The following AK7 variants were observed in gnomAD, a reference collection of about 807,000 sequenced individuals.
The protein encoded by AK7 is ATP-AMP transphosphorylase 7.
AK7 carries 78 observed loss-of-function variants against 96.6 expected under a neutral mutation model. That is an observed-to-expected ratio of 0.81 (90% CI 0.67 to 0.97). The LOEUF (loss-of-function observed/expected upper bound fraction) is 0.97. AK7 is among the 50% of genes least tolerant of loss of function. AK7 has a pLI of 0.00. For missense variants in AK7, 855 were observed against 887.9 expected, an observed-to-expected ratio of 0.96 and a Z score of 0.47; for synonymous variants, 302 against 317.2, an observed-to-expected ratio of 0.95 and a Z score of 0.51.
At chr14:96,473,007 A>G (rs1158390188) in intron 14 of AK7, among the ~76,000 whole-genome samples, 4 of 151,972 alleles carry the variant, frequency 2.6e-5, no homozygotes, top group Non-Finnish European at 5.9e-5. Context: ...ACTTGAACCC[A>G]GAAGACAGAG....
At chr14:96,401,143 G>A (rs563743583) in intron 2 of AK7, among the ~76,000 whole-genome samples, 7 of 152,198 alleles carry the variant, frequency 4.6e-5, no homozygotes, top group African/African-American at 1.4e-4. Flanking sequence ...TTGATTCTGC[G>A]AATGTTTCCT....
At chr14:96,476,577 A>G (rs550560113) in intron 14 of AK7, among the ~76,000 whole-genome samples, 3 of 151,526 alleles carry the variant, frequency 2.0e-5, no homozygotes, top group Non-Finnish European at 4.4e-5. Flanking sequence ...CCTCCTTGTT[A>G]TCTACGGTCT....
intron 4 of AK7, 151 bp from the exon 5 acceptor site, chr14:96,420,671 C>A: frequency 7.2e-6 from 4 of 555,488 alleles, no homozygotes; most frequent in Non-Finnish European, 1.2e-5. Flanking sequence ...CCAGCCTGGG[C>A]AACACAGCGA....
At chr14:96,482,859 A>T in intron 15 of AK7, 140 bp from the exon 16 acceptor site, 1 of 900,182 alleles carries the variant, frequency 1.1e-6, no homozygotes, top group Non-Finnish European at 1.7e-6. Flanking sequence ...ATTCTGAACT[A>T]TGCTGGCAAT....
intron 1 of AK7, 48 bp downstream of exon 1, chr14:96,392,307 A>G: frequency 1.3e-6 from 2 of 1,528,442 alleles, no homozygotes; most frequent in Non-Finnish European, 9.0e-7. Context: ...CTCAGCTCCC[A>G]GCCCTCGGCC....
At chr14:96,424,640 A>T (rs1891920046) in intron 5 of AK7, among the ~76,000 whole-genome samples, 1 of 152,190 alleles carries the variant, frequency 6.6e-6, no homozygotes, top group African/African-American at 2.4e-5. Flanking sequence ...TATAAAAAAC[A>T]CTTTACCAAT....
At chr14:96,424,288 G>C (rs1057069236) in intron 5 of AK7, 1 of 411,348 alleles carries the variant, frequency 2.4e-6, no homozygotes. Context: ...GGCGACACGG[G>C]GGTCTCCGCC....
intron 13 of AK7, among the ~76,000 whole-genome samples, 183 bp from the exon 14 acceptor site, chr14:96,472,504 A>AT (rs1894953359): frequency 6.6e-6 from 1 of 152,158 alleles, no homozygotes; most frequent in African/African-American, 2.4e-5. Flanking sequence ...TGTATATACT[A>AT]CATTTTCTTT....
chr14:96,482,886 ATG>A, intron 15 of AK7, 111 bp from the exon 16 acceptor site: 1 of 1,044,094 alleles, frequency 9.6e-7, no homozygotes, highest in Non-Finnish European at 1.4e-6. Context: ...AGAAAACCCT[ATG>A]TGGTAATTTA....
intron 6 of AK7, 79 bp downstream of exon 6, chr14:96,437,994 G>A (rs1461391513): frequency 5.9e-6 from 8 of 1,347,102 alleles, no homozygotes; most frequent in Non-Finnish European, 8.4e-6. Context: ...GTTTTTGATT[G>A]CTTTGGGTGT....
At chr14:96,431,680 T>C (rs1201114023) in intron 5 of AK7, among the ~76,000 whole-genome samples, 2 of 152,236 alleles carry the variant, frequency 1.3e-5, no homozygotes, top group Non-Finnish European at 2.9e-5. Context: ...CTTCCAACTA[T>C]GTGGTCAATT....
chr14:96,474,254 T>G (rs1298702912), intron 14 of AK7, among the ~76,000 whole-genome samples: 1 of 152,038 alleles, frequency 6.6e-6, no homozygotes, highest in Non-Finnish European at 1.5e-5. Context: ...GCAGAGAAGC[T>G]TCTGGAAGGA....
chr14:96,407,604 CAG>C (rs1890791501), intron 3 of AK7, among the ~76,000 whole-genome samples: 2 of 118,302 alleles, frequency 1.7e-5, no homozygotes, highest in Non-Finnish European at 3.3e-5. Context: ...TTTTTTGAGA[CAG>C]AGTCTCGCTC....
rs1017525139 is a variant in AK7, at chr14:96,478,744, T to G, written c.1753+82T>G. 4 of 1,386,402 alleles carry G rather than the reference T, an allele frequency of 2.9e-6. No homozygotes were observed. In the South Asian group the frequency reaches 3.7e-5, roughly 13 times the overall value. 85.9% of individuals were successfully genotyped at this position (1,386,402 alleles called of 1,614,324 possible). A position where few individuals can be genotyped will look rare whatever the true frequency, so the allele number is the denominator to read the frequency against. ...GCAGGTCTAGCTGTAATTGTGGGGC[T>G]GGGGGGAGGGTGGGGAGTGTAATCA... On this transcript the variant is annotated intron_variant, in intron 15 of 17. Transcript: ENST00000267584.
At chr14:96,445,646 C>T (rs1190806789) in intron 7 of AK7, among the ~76,000 whole-genome samples, 2 of 148,550 alleles carry the variant, frequency 1.3e-5, no homozygotes, top group East Asian at 2.0e-4. Flanking sequence ...GGCAACAGAG[C>T]GAGACTCAAA....
chr14:96,414,757 CTTTTTTTTTTT>C (rs10694621), intron 4 of AK7, among the ~76,000 whole-genome samples: 1 of 100,128 alleles, frequency 1.0e-5, no homozygotes, highest in African/African-American at 3.9e-5. Flanking sequence ...AGGATTCCTT[CTTTTTTTTTTT>C]TTTTTTTTTT....
rs758883552 is a variant in AK7 at position 96,485,794 on chromosome 14, CTT to C, written c.1975-1086_1975-1085del. On this transcript the variant is annotated intron_variant, in intron 16 of 17. Transcript: ENST00000267584. ...CCTTTCAAACAAATATCAGCTAGGA[CTT>C]TTTTTTTTTTTTTTTTTGAGACGGA... is the stretch of plus-strand genomic sequence containing the variant. Among the ~76,000 whole-genome samples, 617 of 128,944 alleles carry C rather than the reference CTT, an allele frequency of 4.8e-3. 4 individuals carry two copies. Among genetic ancestry groups the C allele is most frequent in the African/African-American group, 0.017 (563 of 32,816 alleles). The allele number at this position is 128,944 out of a possible 152,430, so 84.6% of individuals were successfully genotyped here.
intron 10 of AK7, 37 bp downstream of exon 10, chr14:96,451,607 A>G: frequency 7.2e-7 from 1 of 1,398,544 alleles, no homozygotes; most frequent in Non-Finnish European, 9.4e-7. Flanking sequence ...CTTCTGATTC[A>G]AGCAAAATGA....
Position 96,450,768 on chromosome 14 carries a change from C to CTTT in AK7, c.949-631_949-629dup, listed in dbSNP as rs937558741. ...CAAAGGTCAGAGGGAATATTTTTCT[C>CTTT]TTTTTTTTTTTTTTTTTTTTTTTTG... On this transcript the variant is annotated intron_variant, in intron 9 of 17. Transcript: ENST00000267584. Among the ~76,000 whole-genome samples the CTTT allele has an allele frequency of 5.1e-3, 471 of 93,128 alleles. 2 individuals carry two copies. The highest frequency in any genetic ancestry group is 9.1e-3 in the African/African-American group (200 of 22,090). The allele number at this position is 93,128 out of a possible 152,430, so 61.1% of individuals were successfully genotyped here. A position where few individuals can be genotyped will look rare whatever the true frequency, so the allele number is the denominator to read the frequency against.
Sources: gnomAD v4.1 joint callset for allele counts (sites outside exome capture counted in the v4.1 genomes callset) on GRCh38, gnomAD v4.1.1 for gene constraint, MANE v1.5 for transcripts, NCBI Gene and HGNC (gene_info 2026-07-23, HGNC 2026-07-21) for gene names.